Variants in TCF7L2 observed in about 807,000 individuals in gnomAD.
The protein encoded by TCF7L2 is transcription factor 7-like 2.
A neutral mutation model predicts 77.9 loss-of-function variants in TCF7L2; 23 were observed. The ratio of observed to expected loss-of-function variants is 0.30; its 90% confidence interval spans 0.21 to 0.42. The LOEUF (loss-of-function observed/expected upper bound fraction) is 0.42. Ranked by LOEUF, TCF7L2 falls within the 10% of genes least tolerant of loss-of-function variation. The probability of loss-of-function intolerance (pLI) is 1.00; values close to 1 mark genes in which losing one functional copy is unlikely to be tolerated. For synonymous variants in TCF7L2, 413 were observed against 340.2 expected (o/e 1.21, Z -2.36); for missense variants, 654 against 793.1 (o/e 0.82, Z 2.11).
At chr10:113,032,727 C>T (rs984400626) in intron 4 of TCF7L2, among the ~76,000 whole-genome samples, 45 of 152,330 alleles carry the variant, frequency 3.0e-4, no homozygotes, top group African/African-American at 1.0e-3. Context: ...TCACCTCAGT[C>T]AATCTGGGTC....
intron 4 of TCF7L2, among the ~76,000 whole-genome samples, chr10:113,005,069 T>C (rs2045289786): frequency 6.6e-6 from 1 of 152,162 alleles, no homozygotes; most frequent in South Asian, 2.1e-4. Context: ...GGGGGAGGCT[T>C]TTGTTTTAGG....
intron 5 of TCF7L2, among the ~76,000 whole-genome samples, chr10:113,122,637 A>G (rs893120643): frequency 2.0e-5 from 3 of 152,236 alleles, no homozygotes; most frequent in African/African-American, 7.2e-5. Flanking sequence ...CCCATCATCT[A>G]AAAATAGCAA....
chr10:113,166,603 A>G lies in TCF7L2; in HGVS notation c.*631A>G, dbSNP rs2074053418. The G allele has an allele frequency of 4.3e-6, 1 of 229,892 alleles. No individual in the cohort carries two copies. The highest frequency in any genetic ancestry group is 2.2e-5 in the African/African-American group (1 of 45,188). The allele number at this position is 229,892 out of a possible 1,614,324, so 14.2% of individuals were successfully genotyped here. On this transcript the variant is annotated 3_prime_UTR_variant, in exon 14 of 14. Coordinates refer to ENST00000627217, the MANE Select transcript of TCF7L2 (RefSeq NM_001146274.2). ...GAGGGGACGCTACTCAACACTTAATAGAATCACAACGCTGTTGGGCCAGTA... is the reference window on the plus strand; with the variant it reads ...GAGGGGACGCTACTCAACACTTAATGGAATCACAACGCTGTTGGGCCAGTA...
chr10:112,961,859 G>A (rs1335328338), intron 3 of TCF7L2, among the ~76,000 whole-genome samples: 1 of 151,670 alleles, frequency 6.6e-6, no homozygotes, highest in East Asian at 1.9e-4. Flanking sequence ...TTAGAAGGGA[G>A]TATGGGTGTC....
intron 5 of TCF7L2, among the ~76,000 whole-genome samples, chr10:113,136,314 C>T (rs2067387380): frequency 6.6e-6 from 1 of 152,154 alleles, no homozygotes; most frequent in Non-Finnish European, 1.5e-5. Flanking sequence ...GCTGGTCAGT[C>T]CCCATCCTAC....
rs1036763727 is a variant in TCF7L2, at chr10:113,166,082, G to A, written c.*110G>A. ...TTGTTTTGTACTCTCTTAATTTTGTGCCATGTGGCTACATTAGTTGATGTT... is the reference window on the plus strand; with the variant it reads ...TTGTTTTGTACTCTCTTAATTTTGTACCATGTGGCTACATTAGTTGATGTT... On this transcript the variant is annotated 3_prime_UTR_variant, in exon 14 of 14. Transcript: ENST00000627217. 8.1e-6 allele frequency: 8 copies of A among 990,688 alleles called. No homozygotes were observed. Among genetic ancestry groups the A allele is most frequent in the Admixed American group, 4.2e-5 (1 of 24,020 alleles). 61.4% of individuals were successfully genotyped at this position (990,688 alleles called of 1,614,324 possible). A position where few individuals can be genotyped will look rare whatever the true frequency, so the allele number is the denominator to read the frequency against.
chr10:112,964,180 A>G (rs535514587), intron 3 of TCF7L2, among the ~76,000 whole-genome samples: 1 of 152,174 alleles, frequency 6.6e-6, no homozygotes, highest in Middle Eastern at 3.4e-3. Flanking sequence ...ACATGTTGCA[A>G]TTCTGATGAC....
rs1024381856 is a variant in TCF7L2 at position 113,080,793 on chromosome 10, T to C, written c.552+40667T>C. ...AAATTAGCCCTCGTTTGCACACTTA[T>C]TCAGTTATTGCATCATGAAGACCCT... On this transcript the variant is annotated intron_variant, in intron 5 of 13. Coordinates refer to ENST00000627217, the MANE Select transcript of TCF7L2 (RefSeq NM_001146274.2). Among the ~76,000 whole-genome samples the C allele has an allele frequency of 2.6e-5, 4 of 152,230 alleles. No individual in the cohort carries two copies. In the East Asian group the frequency reaches 5.8e-4, roughly 22 times the overall value.
intron 13 of TCF7L2, among the ~76,000 whole-genome samples, chr10:113,162,679 T>C (rs555773486): frequency 6.6e-6 from 1 of 152,296 alleles, no homozygotes; most frequent in South Asian, 2.1e-4. Flanking sequence ...CTGGTTTTCT[T>C]TCCAGTCTCA....
At chr10:113,058,803 G>A (rs2055867650) in intron 5 of TCF7L2, among the ~76,000 whole-genome samples, 2 of 152,164 alleles carry the variant, frequency 1.3e-5, no homozygotes, top group Admixed American at 1.3e-4. Context: ...GGGTTTGATA[G>A]TAAGCAGCAG....
intron 5 of TCF7L2, among the ~76,000 whole-genome samples, chr10:113,136,497 G>C (rs997000047): frequency 6.6e-6 from 1 of 152,200 alleles, no homozygotes; most frequent in African/African-American, 2.4e-5. Context: ...AGCAACGCAG[G>C]CTCTTCACAC....
Position 113,074,590 on chromosome 10 carries a change from T to G in TCF7L2, c.552+34464T>G, listed in dbSNP as rs2058489892. Among the ~76,000 whole-genome samples the G allele has an allele frequency of 2.0e-5, 3 of 152,178 alleles. No homozygotes were observed. In the South Asian group the frequency reaches 6.2e-4, roughly 32 times the overall value. On this transcript the variant is annotated intron_variant, in intron 5 of 13. Coordinates refer to ENST00000627217, the MANE Select transcript of TCF7L2 (RefSeq NM_001146274.2). Reference sequence around the variant, plus strand: ...GGCTGCACACTCATCACTGCGGGGCTCATCACACATTGACACCAGCACCAT... The same window carrying G: ...GGCTGCACACTCATCACTGCGGGGCGCATCACACATTGACACCAGCACCAT...
intron 5 of TCF7L2, among the ~76,000 whole-genome samples, chr10:113,057,798 C>T (rs2055660699): frequency 6.6e-6 from 1 of 151,964 alleles, no homozygotes; most frequent in South Asian, 2.1e-4. Flanking sequence ...TTTCAGTGGT[C>T]ATTCAGTTCA....
chr10:113,005,106 T>C (rs1485103306), intron 4 of TCF7L2, among the ~76,000 whole-genome samples: 1 of 152,204 alleles, frequency 6.6e-6, no homozygotes, highest in East Asian at 1.9e-4. Context: ...ACACATTTCC[T>C]GGCACCTAGC....
chr10:113,044,789 CT>C (rs1393452875), intron 5 of TCF7L2, among the ~76,000 whole-genome samples: 2 of 152,138 alleles, frequency 1.3e-5, no homozygotes, highest in African/African-American at 4.8e-5. Flanking sequence ...GGGAAAAGTG[CT>C]TGGCTTGGAC....
chr10:113,165,449 G>C, intron 13 of TCF7L2, 106 bp from the exon 15 acceptor site: 1 of 1,297,584 alleles, frequency 7.7e-7, no homozygotes, highest in Non-Finnish European at 1.1e-6. Context: ...TGCCACCTCT[G>C]TGGGACATCC....
intron 5 of TCF7L2, among the ~76,000 whole-genome samples, chr10:113,062,542 C>CTT (rs533073826): frequency 2.0e-5 from 3 of 147,318 alleles, no homozygotes; most frequent in Admixed American, 1.4e-4. Context: ...GGCTACTGCA[C>CTT]TTTTTTTTTT....
Position 112,985,604 on chromosome 10 carries a change from C to T in TCF7L2, c.450+20980C>T, listed in dbSNP as rs138469900. Among the ~76,000 whole-genome samples the T allele has an allele frequency of 9.3e-3, 1,410 of 152,246 alleles. 12 individuals are homozygous for T. Among genetic ancestry groups the T allele is most frequent in the Middle Eastern group, 0.02 (6 of 294 alleles). On this transcript the variant is annotated intron_variant, in intron 4 of 13. Transcript: ENST00000627217. ...AAATTGGATTTCAATTCTTGATCCC[C>T]TTATGTTCGGTAAACAGAGTGTTAT... is the stretch of plus-strand genomic sequence containing the variant.
chr10:113,118,523 G>C (rs2064205386), intron 5 of TCF7L2, among the ~76,000 whole-genome samples: 1 of 91,284 alleles, frequency 1.1e-5, no homozygotes, highest in African/African-American at 3.4e-5. Flanking sequence ...TCTGGGGGGT[G>C]TGTGTGTGTG....
Sources: gnomAD v4.1 joint callset for allele counts (sites outside exome capture counted in the v4.1 genomes callset) on GRCh38, gnomAD v4.1.1 for gene constraint, MANE v1.5 for transcripts, NCBI Gene and HGNC (gene_info 2026-07-23, HGNC 2026-07-21) for gene names.